PGLYRP2: variants seen among roughly 807,000 people sequenced by gnomAD.
PGLYRP2 encodes the protein N-acetylmuramoyl-L-alanine amidase.
In PGLYRP2, 38 loss-of-function variants were observed where a neutral mutation model predicts 46.2. The ratio of observed to expected loss-of-function variants is 0.82; its 90% CI spans 0.64 to 1.08. The LOEUF (loss-of-function observed/expected upper bound fraction) is 1.08. Ranked by LOEUF, PGLYRP2 falls within the 50% of genes least tolerant of loss-of-function variation. The pLI, the probability that PGLYRP2 is intolerant of heterozygous loss-of-function variation, is 0.00. For missense variants in PGLYRP2, 713 were observed against 755.9 expected (o/e 0.94, Z 0.67); for synonymous variants, 289 against 329.4 (o/e 0.88, Z 1.33).
At position 15,471,924 on chromosome 19, in the gene PGLYRP2, G is replaced by T; in HGVS notation, c.1309C>A (p.Gln437Lys). The part of the protein sequence containing the change: ...ANMRSMQRYH[Q>K]DTQGWGDIGY... The stretch of plus-strand genomic sequence containing the variant: ...ATGTCTCCCCAGCCTTGCGTGTCCT[G>T]GTGGTAGCGCTGCATGGAGCGCATG... Residue 437 changes from glutamine (Q) to lysine (K), a missense_variant, in exon 3 of 5, where the codon CAG becomes AAG. Gln to Lys is a moderately conservative substitution (Grantham distance 53). Coordinates refer to ENST00000340880, the MANE Select transcript of PGLYRP2 (RefSeq NM_052890.4). The T allele has an allele frequency of 6.2e-7, 1 of 1,614,064 alleles. No homozygotes were observed. The highest frequency in any genetic ancestry group is 8.5e-7 in the Non-Finnish European group (1 of 1,179,954).
intron 2 of PGLYRP2, among the ~76,000 whole-genome samples, chr19:15,473,856 GAAAAAGAA>G (rs1486103752): frequency 1.3e-5 from 2 of 149,340 alleles, no homozygotes; most frequent in African/African-American, 4.9e-5. Flanking sequence ...AAGAAAGAAA[GAAAAAGAA>G]AGAAAGAAAG....
In PGLYRP2 at chr19:15,469,724, A is replaced by G; in HGVS notation, c.1549T>C (p.Tyr517His). Residue 517 changes from tyrosine to histidine, a missense_variant, in exon 4 of 5, where the codon TAC becomes CAC. Coordinates refer to ENST00000340880, the MANE Select transcript of PGLYRP2 (RefSeq NM_052890.4). The surrounding 1 kb of genome is among the most constrained non-coding windows in gnomAD (Gnocchi z 4.9). ...AVRAGLLRPD[Y>H]ALLGHRQLVR... ...AGCTGGCGGTGGCCCAGCAGCGCGT[A>G]GTCTGGCCGCAGGAGGCCGGCGCGC... 2 of 1,496,200 alleles carry G rather than the reference A, an allele frequency of 1.3e-6. No individual in the cohort carries two copies. The highest frequency in any genetic ancestry group is 1.8e-6 in the Non-Finnish European group (2 of 1,129,246). 92.7% of individuals were successfully genotyped at this position (1,496,200 alleles called of 1,614,324 possible). A position where few individuals can be genotyped will look rare whatever the true frequency, so the allele number is the denominator to read the frequency against.
At chr19:15,477,708 A>AAATAG (rs1282079223) in intron 1 of PGLYRP2, among the ~76,000 whole-genome samples, 2 of 62,752 alleles carry the variant, frequency 3.2e-5, no homozygotes, top group Non-Finnish European at 6.3e-5. Flanking sequence ...AAAATAAAAT[A>AAATAG]AATAAAATAA....
chr19:15,468,762 G>A lies in PGLYRP2; in HGVS notation c.1642-10C>T. On this transcript the variant is annotated splice_polypyrimidine_tract_variant and intron_variant, in intron 4 of 4. Coordinates refer to ENST00000340880, the MANE Select transcript of PGLYRP2 (RefSeq NM_052890.4). ...GTCTTGGCTTAACAGTCTGGAAAAA[G>A]ACAAGGGAGTGTGAGGCTTGGGGGT... is the stretch of plus-strand genomic sequence containing the variant. 1 of 1,604,710 alleles carries A rather than the reference G, an allele frequency of 6.2e-7. No individual in the cohort carries two copies. Among genetic ancestry groups the A allele is most frequent in the South Asian group, 1.1e-5 (1 of 90,102 alleles).
chr19:15,472,012 C>G lies in PGLYRP2; in HGVS notation c.1221G>C (p.Leu407Phe). ...PKLLQLPLGF[L>F]YVHHTYVPAP... ...CAGGCACGTAGGTGTGATGCACGTA[C>G]AAGAATCCCAGCGGCAGCTGCAGCA... is the stretch of plus-strand genomic sequence containing the variant. Residue 407 changes from leucine to phenylalanine, a missense_variant, in exon 3 of 5, where the codon TTG (leucine) becomes TTC (phenylalanine). Leu to Phe is a conservative substitution (Grantham distance 22). Transcript: ENST00000340880. 6.2e-7 allele frequency: 1 copy of G among 1,613,558 alleles called. No homozygotes were observed. The highest frequency in any genetic ancestry group is 8.5e-7 in the Non-Finnish European group (1 of 1,179,970).
At chr19:15,479,228 G>A (rs1016381996) in intron 1 of PGLYRP2, 83 bp downstream of exon 1, 4 of 1,439,528 alleles carry the variant, frequency 2.8e-6, no homozygotes, top group African/African-American at 1.4e-5. Flanking sequence ...CTCACTCCAT[G>A]CAGGGCAAGA....
rs2145520024 is a variant in PGLYRP2, at chr19:15,476,381, C to T, written c.289G>A (p.Val97Met). 3.1e-6 allele frequency: 5 copies of T among 1,614,126 alleles called. No individual in the cohort carries two copies. Among genetic ancestry groups the T allele is most frequent in the Non-Finnish European group, 4.2e-6 (5 of 1,180,000 alleles). The part of the protein sequence containing the change: ...SPELLGLTKE[V>M]ARHDVREGKE... ...CCTTCTCGTACGTCATGTCGGGCCA[C>T]CTCCTTGGTCAGGCCTAACAGCTCT... The change falls in exon 2 of 5, where the codon GTG becomes ATG. Residue 97 changes from valine to methionine, a missense_variant. Transcript: ENST00000340880.
rs376336630 is a variant in PGLYRP2, at chr19:15,476,234, C to G, written c.436G>C (p.Ala146Pro). ...GTATCTCCAGTCTCCCAAGGGGCAG[C>G]CATGCTGTCCAAGGGCAAATTTATG... is the stretch of plus-strand genomic sequence containing the variant. ...RVINLPLDSM[A>P]APWETGDTFP... Residue 146 changes from alanine (A) to proline (P), a missense_variant, in exon 2 of 5, where the codon GCT becomes CCT. Coordinates refer to ENST00000340880, the MANE Select transcript of PGLYRP2 (RefSeq NM_052890.4). 1.2e-6 allele frequency: 2 copies of G among 1,614,176 alleles called. No homozygotes were observed. Among genetic ancestry groups the G allele is most frequent in the Non-Finnish European group, 1.7e-6 (2 of 1,180,026 alleles).
In PGLYRP2 at chr19:15,469,098, TTGTC is replaced by T; in HGVS notation, c.1642-350_1642-347del. On this transcript the variant is annotated intron_variant, in intron 4 of 4. Coordinates refer to ENST00000340880, the MANE Select transcript of PGLYRP2 (RefSeq NM_052890.4). The surrounding 1 kb of genome is among the most constrained non-coding windows in gnomAD (Gnocchi z 4.9). ...GAAACAAGCAACCTCAGAGTTGAGA[TTGTC>T]TGGACAGAGAATTGCAACACAGGAT... The T allele has an allele frequency of 1.9e-6, 1 of 523,246 alleles. No homozygotes were observed. The highest frequency in any genetic ancestry group is 3.1e-5 in the East Asian group (1 of 32,360). 32.4% of individuals were successfully genotyped at this position (523,246 alleles called of 1,614,324 possible).
In PGLYRP2 at chr19:15,472,008, C is replaced by T. The variant is rs767730436; in HGVS notation, c.1225G>A (p.Val409Met). 1.2e-5 allele frequency: 20 copies of T among 1,613,544 alleles called. No homozygotes were observed. Among genetic ancestry groups the T allele is most frequent in the Non-Finnish European group, 1.5e-5 (18 of 1,179,972 alleles). The change falls in exon 3 of 5, where the codon GTG (valine) becomes ATG (methionine). Residue 409 changes from valine (V) to methionine (M), a missense_variant. Coordinates refer to ENST00000340880, the MANE Select transcript of PGLYRP2 (RefSeq NM_052890.4). ...LLQLPLGFLYVHHTYVPAPPC... is the reference protein window; with the variant it reads ...LLQLPLGFLYMHHTYVPAPPC... ...GGTGCAGGCACGTAGGTGTGATGCA[C>T]GTACAAGAATCCCAGCGGCAGCTGC...
In PGLYRP2 at chr19:15,475,829, T is replaced by C. The variant is rs1296291053; in HGVS notation, c.841A>G (p.Ile281Val). ...AFLNGALDGV[I>V]LGDYLSRTPE... ...GTCCGGCTCAGGTAGTCTCCAAGGA[T>C]GACCCCATCCAGGGCGCCATTGAGG... is the stretch of plus-strand genomic sequence containing the variant. The change falls in exon 2 of 5, where the codon ATC becomes GTC. Residue 281 changes from isoleucine to valine, a missense_variant. Transcript: ENST00000340880. The C allele has an allele frequency of 6.2e-7, 1 of 1,614,040 alleles. No individual in the cohort carries two copies. The highest frequency in any genetic ancestry group is 2.2e-5 in the East Asian group (1 of 44,872).
chr19:15,476,572 G>A lies in PGLYRP2; in HGVS notation c.98C>T (p.Ala33Val), dbSNP rs765098933. The A allele has an allele frequency of 2.5e-6, 4 of 1,611,294 alleles. No individual in the cohort carries two copies. In the Admixed American group the frequency reaches 5.0e-5, roughly 20 times the overall value. The stretch of plus-strand genomic sequence containing the variant: ...CACTTTCTGCTCCAGCTCAGCCAGG[G>A]CCTGGATGACAGAGTCCATGAGCAG... ...LPLLMDSVIQ[A>V]LAELEQKVPA... is the part of the protein sequence containing the mutation. The change falls in exon 2 of 5, where the codon GCC becomes GTC. Residue 33 changes from alanine to valine, a missense_variant. Physicochemically the swap from Ala to Val is moderately conservative, Grantham distance 64. Coordinates refer to ENST00000340880, the MANE Select transcript of PGLYRP2 (RefSeq NM_052890.4).
chr19:15,475,435 G>T, intron 2 of PGLYRP2, 103 bp downstream of exon 2: 443 of 1,041,824 alleles, frequency 4.3e-4, no homozygotes, highest in Middle Eastern at 6.8e-4. Context: ...ATCCCTTATT[G>T]CCCCCTCTGG....
intron 1 of PGLYRP2, among the ~76,000 whole-genome samples, chr19:15,477,516 G>A (rs1188244639): frequency 6.6e-6 from 1 of 151,260 alleles, no homozygotes; most frequent in Non-Finnish European, 1.5e-5. Context: ...GGATCAACAT[G>A]GCGAGACTCC....
At chr19:15,470,654 C>T (rs1216494583) in intron 3 of PGLYRP2, among the ~76,000 whole-genome samples, 1 of 148,170 alleles carries the variant, frequency 6.7e-6, no homozygotes, top group Non-Finnish European at 1.5e-5. Flanking sequence ...CCCTTCCCTT[C>T]CCTTTTGGAG....
chr19:15,472,183 C>G, intron 2 of PGLYRP2, 83 bp from the exon 3 acceptor site: 1 of 1,176,178 alleles, frequency 8.5e-7, no homozygotes. Flanking sequence ...CACATACAGA[C>G]CATCCCTCAG....
In PGLYRP2 at chr19:15,468,712, G is replaced by A. The variant is rs746058599; in HGVS notation, c.1682C>T (p.Ser561Phe). Reference sequence around the variant, plus strand: ...GGTCCTTGGGGGTGGCTCCCTCCTGGATCTCTTAGAGACACTCCTGGCAGG... The same window carrying A: ...GGTCCTTGGGGGTGGCTCCCTCCTGAATCTCTTAGAGACACTCCTGGCAGG... ...PRPARSVSKR[S>F]RREPPPRTLP... is the part of the protein sequence containing the mutation. Residue 561 changes from serine (S) to phenylalanine (F), a missense_variant, in exon 5 of 5, where the codon TCC (serine) becomes TTC (phenylalanine). Coordinates refer to ENST00000340880, the MANE Select transcript of PGLYRP2 (RefSeq NM_052890.4). 4.3e-6 allele frequency: 7 copies of A among 1,613,100 alleles called. No individual in the cohort carries two copies. Among genetic ancestry groups the A allele is most frequent in the Non-Finnish European group, 3.4e-6 (4 of 1,179,538 alleles).
At chr19:15,472,964 G>T (rs752575449) in intron 2 of PGLYRP2, among the ~76,000 whole-genome samples, 2 of 152,152 alleles carry the variant, frequency 1.3e-5, no homozygotes, top group Non-Finnish European at 2.9e-5. Context: ...GCATGGTACT[G>T]TTACAAAAAT....
At chr19:15,470,407 C>T (rs1230911269) in intron 3 of PGLYRP2, among the ~76,000 whole-genome samples, 1 of 151,726 alleles carries the variant, frequency 6.6e-6, no homozygotes, top group African/African-American at 2.4e-5. Context: ...AGCGATTCTC[C>T]TGCCTCAGCC....
Sources: allele counts gnomAD v4.1 joint callset (sites outside exome capture counted in the v4.1 genomes callset), GRCh38; gene constraint gnomAD v4.1.1; non-coding constraint Gnocchi (gnomAD v3.1); transcripts MANE v1.5; gene names NCBI Gene and HGNC (gene_info 2026-07-23, HGNC 2026-07-21).